Variants in SH3BP5 observed in about 807,000 individuals in gnomAD.
SH3BP5 encodes the protein SH3 domain binding protein 5.
Under a neutral mutation model 43.3 loss-of-function variants are expected in SH3BP5, and 22 were observed. The observed-to-expected ratio is 0.51, with a 90% CI of 0.36 to 0.73. The LOEUF (loss-of-function observed/expected upper bound fraction) is 0.73. Among genes scored for constraint, SH3BP5 ranks in the 30% least tolerant of loss-of-function variants. SH3BP5 has a pLI of 0.00. For missense variants in SH3BP5, 529 were observed against 586.9 expected, an observed-to-expected ratio of 0.90 and a Z score of 1.02; for synonymous variants, 255 against 225.8, an observed-to-expected ratio of 1.13 and a Z score of -1.16.
chr3:15,318,926 TTCC>T (rs1698252348), intron 2 of SH3BP5, among the ~76,000 whole-genome samples: 1 of 52,710 alleles, frequency 1.9e-5, no homozygotes, highest in African/African-American at 1.3e-4. Context: ...TTTTAACAAG[TTCC>T]AAGTGGGGAA....
chr3:15,304,055 G>C, intron 3 of SH3BP5, 48 bp downstream of exon 3: 1 of 1,506,498 alleles, frequency 6.6e-7, no homozygotes, highest in Non-Finnish European at 9.2e-7. Context: ...TTAAAACTGA[G>C]GGGTAGTGAG....
chr3:15,259,429 G>C (rs1696349515), intron 6 of SH3BP5: 1 of 523,180 alleles, frequency 1.9e-6, no homozygotes. Flanking sequence ...CAGCTCACTA[G>C]ACTCCAACCT....
intron 3 of SH3BP5, among the ~76,000 whole-genome samples, chr3:15,270,658 G>A (rs1399991756): frequency 1.3e-5 from 2 of 152,104 alleles, no homozygotes; most frequent in Non-Finnish European, 2.9e-5. Context: ...CCAGCCAGGT[G>A]CAGTGGCTCA....
chr3:15,266,209 C>T (rs1459442150), intron 4 of SH3BP5, among the ~76,000 whole-genome samples: 4 of 152,216 alleles, frequency 2.6e-5, no homozygotes, highest in African/African-American at 9.7e-5. Flanking sequence ...ATTCTTACTG[C>T]GTCCTTGGGC....
chr3:15,313,687 G>C (rs1414146330), intron 2 of SH3BP5, among the ~76,000 whole-genome samples: 1 of 152,230 alleles, frequency 6.6e-6, no homozygotes, highest in Non-Finnish European at 1.5e-5. Flanking sequence ...AGTGCTGGCT[G>C]ACGGAACTTC....
At chr3:15,289,483 G>C (rs912332808) in intron 3 of SH3BP5, among the ~76,000 whole-genome samples, 3 of 152,212 alleles carry the variant, frequency 2.0e-5, no homozygotes, top group African/African-American at 7.2e-5. Flanking sequence ...GCAGCAAACA[G>C]AACACTCGGT....
chr3:15,258,409 AG>A (rs1439059995), intron 7 of SH3BP5: 1 of 210,718 alleles, frequency 4.7e-6, no homozygotes, highest in Non-Finnish European at 9.6e-6. Context: ...GATAGTATAC[AG>A]TAGATAGCGT....
At chr3:15,335,109 T>C (rs548896811), upstream of SH3BP5, among the ~76,000 whole-genome samples, 1 of 151,882 alleles carries the variant, frequency 6.6e-6, no homozygotes, top group African/African-American at 2.4e-5. Context: ...AGACCTGGTC[T>C]CTAGGCCAGG....
Position 15,259,925 on chromosome 3 carries a change from A to C in SH3BP5, c.627-122T>G, listed in dbSNP as rs1696370148. ...AGGTCGTCCTTCCAATATTTAGTAAACTCTTAACAAGGCCGTGACATGTCA... is the reference window on the plus strand; with the variant it reads ...AGGTCGTCCTTCCAATATTTAGTAACCTCTTAACAAGGCCGTGACATGTCA... On this transcript the variant is annotated intron_variant, in intron 5 of 8. Coordinates refer to ENST00000383791, the MANE Select transcript of SH3BP5 (RefSeq NM_004844.5). 16 of 855,118 alleles carry C rather than the reference A, an allele frequency of 1.9e-5. No homozygotes were observed. The South Asian group carries it at 2.3e-4, about 12-fold the overall frequency. The allele number at this position is 855,118 out of a possible 1,614,324, so 53.0% of individuals were successfully genotyped here. A position where few individuals can be genotyped will look rare whatever the true frequency, so the allele number is the denominator to read the frequency against.
At chr3:15,310,922 C>T (rs1698040423) in intron 2 of SH3BP5, among the ~76,000 whole-genome samples, 1 of 152,132 alleles carries the variant, frequency 6.6e-6, no homozygotes, top group African/African-American at 2.4e-5. Flanking sequence ...CACCAGTATA[C>T]AGTGGAAGCA....
In SH3BP5 at chr3:15,255,358, C is replaced by A. The variant is rs1382738007; in HGVS notation, c.*728G>T. The A allele has an allele frequency of 1.3e-5, 2 of 152,578 alleles. No homozygotes were observed. Among genetic ancestry groups the A allele is most frequent in the African/African-American group, 4.8e-5 (2 of 41,442 alleles). The allele number at this position is 152,578 out of a possible 1,614,324, so 9.5% of individuals were successfully genotyped here. ...CTTGGCTGGCAGGATAAGGCTTATG[C>A]TGTAGAACCTTCTCCCCCACAGCCA... On this transcript the variant is annotated 3_prime_UTR_variant, in exon 9 of 9. Transcript: ENST00000383791.
chr3:15,316,375 C>T (rs554440233), intron 2 of SH3BP5, among the ~76,000 whole-genome samples: 23 of 151,972 alleles, frequency 1.5e-4, no homozygotes, highest in Admixed American at 1.2e-3. Flanking sequence ...CAGGTGCCCA[C>T]GACCACACTC....
At chr3:15,333,394 C>G (rs1361483181), upstream of SH3BP5, 8 of 384,946 alleles carry the variant, frequency 2.1e-5, no homozygotes, top group Non-Finnish European at 2.5e-5. Flanking sequence ...TTGAGAAATG[C>G]AGAACGTGCA....
chr3:15,262,982 T>C (rs1470731773), intron 4 of SH3BP5, among the ~76,000 whole-genome samples: 1 of 152,194 alleles, frequency 6.6e-6, no homozygotes. Context: ...TATATAGATA[T>C]CTATATCTAG....
rs1696134531 is a variant in SH3BP5, at chr3:15,254,815, A to C, written c.*1271T>G. 1 of 152,248 alleles carries C rather than the reference A, an allele frequency of 6.6e-6. No individual in the cohort carries two copies. The highest frequency in any genetic ancestry group is 2.1e-4 in the South Asian group (1 of 4,838). 9.4% of individuals were successfully genotyped at this position (152,248 alleles called of 1,614,324 possible). ...GGGTTGCCTAGAAGATTTAGGCAAT[A>C]CTGGGAGTTCTTATTTGAAGTCACA... is the stretch of plus-strand genomic sequence containing the variant. On this transcript the variant is annotated 3_prime_UTR_variant, in exon 9 of 9. Coordinates refer to ENST00000383791, the MANE Select transcript of SH3BP5 (RefSeq NM_004844.5).
chr3:15,258,581 G>C, intron 7 of SH3BP5: 1 of 530,138 alleles, frequency 1.9e-6, no homozygotes, highest in Non-Finnish European at 3.4e-6. Flanking sequence ...TGTATACTTT[G>C]ACTCTCAAAG....
chr3:15,259,583 G>T, intron 6 of SH3BP5, 178 bp downstream of exon 6: 3 of 732,224 alleles, frequency 4.1e-6, no homozygotes. Context: ...AGTTACAGAG[G>T]TTCAGAGACC....
Position 15,338,198 on chromosome 3 carries a change from C to T in SH3BP5, c.-402+3025G>A, listed in dbSNP as rs951534829. On this transcript the variant is annotated intron_variant, in intron 1 of 8. Transcript: ENST00000408919. ...GTCTACCAAAAAATACAAAAACTAG[C>T]TAGGTGTGGTGGTGTGCACCTGTAG... 5.3e-5 allele frequency among the ~76,000 whole-genome samples: 8 copies of T among 152,058 alleles called. No individual in the cohort carries two copies. The South Asian group carries it at 6.2e-4, about 12-fold the overall frequency.
intron 2 of SH3BP5, among the ~76,000 whole-genome samples, chr3:15,325,746 G>T (rs577775905): frequency 6.6e-6 from 1 of 152,214 alleles, no homozygotes; most frequent in Admixed American, 6.5e-5. Context: ...CTGGTCAGGC[G>T]CAGTGGCTCA....
Sources: gnomAD v4.1 joint callset for allele counts (sites outside exome capture counted in the v4.1 genomes callset) on GRCh38, gnomAD v4.1.1 for gene constraint, MANE v1.5 for transcripts, NCBI Gene and HGNC (gene_info 2026-07-23, HGNC 2026-07-21) for gene names.